The following SCN7A variants were observed in gnomAD, a reference collection of about 807,000 sequenced individuals.
SCN7A encodes sodium voltage-gated channel alpha subunit 7.
In SCN7A, 138 loss-of-function variants were observed where a neutral mutation model predicts 155.2. The observed-to-expected ratio is 0.89, with a 90% CI of 0.77 to 1.02. SCN7A has a LOEUF of 1.02. SCN7A is among the 50% of genes least tolerant of loss of function. SCN7A has a pLI of 0.00. For synonymous variants in SCN7A, 693 were observed against 649.0 expected (o/e 1.07, Z -1.03); for missense variants, 2,058 against 1,986.6 (o/e 1.04, Z -0.68).
chr2:166,431,934 G>A (rs1259237522), intron 16 of SCN7A, among the ~76,000 whole-genome samples: 1 of 151,956 alleles, frequency 6.6e-6, no homozygotes, highest in African/African-American at 2.4e-5. Context: ...CATACACCTT[G>A]ATTTAGAAAA....
chr2:166,482,827 G>A (rs1702960465), intron 2 of SCN7A, among the ~76,000 whole-genome samples: 1 of 151,418 alleles, frequency 6.6e-6, no homozygotes, highest in Admixed American at 6.6e-5. Flanking sequence ...CTAGATGGTT[G>A]AGTGCAGACT....
chr2:166,412,164 C>A (rs1701216141), intron 23 of SCN7A, among the ~76,000 whole-genome samples: 1 of 151,990 alleles, frequency 6.6e-6, no homozygotes, highest in Non-Finnish European at 1.5e-5. Flanking sequence ...ACTGTGGAGG[C>A]TTTAAATATA....
intron 13 of SCN7A, among the ~76,000 whole-genome samples, chr2:166,444,071 C>T (rs1266910162): frequency 6.6e-6 from 1 of 152,062 alleles, no homozygotes; most frequent in Non-Finnish European, 1.5e-5. Context: ...ACTGTACTGG[C>T]AGAAATCACT....
chr2:166,486,701 C>A (rs1466316241), intron 2 of SCN7A, among the ~76,000 whole-genome samples, 155 bp downstream of exon 2: 2 of 152,174 alleles, frequency 1.3e-5, no homozygotes, highest in Admixed American at 6.5e-5. Context: ...ATGCAGACTG[C>A]TAGGCAGAAA....
At chr2:166,442,328 C>T (rs1353078922) in intron 14 of SCN7A, among the ~76,000 whole-genome samples, 30 of 152,286 alleles carry the variant, frequency 2.0e-4, no homozygotes. Context: ...AGTAAACTTA[C>T]TGTCGATTAG....
rs556003083 is a variant in SCN7A at position 166,490,097 on chromosome 2, G to A, written c.-127-3129C>T. Among the ~76,000 whole-genome samples, 22 of 151,920 alleles carry A rather than the reference G, an allele frequency of 1.4e-4. No homozygotes were observed. The South Asian group carries it at 4.6e-3, about 32-fold the overall frequency. ...CATTATCTCACAGACTTATTTCTTTGTAGTGGAAACATTTAAAATCTATTC... is the reference window on the plus strand; with the variant it reads ...CATTATCTCACAGACTTATTTCTTTATAGTGGAAACATTTAAAATCTATTC... On this transcript the variant is annotated intron_variant, in intron 1 of 25. Coordinates refer to ENST00000643258, the MANE Select transcript of SCN7A (RefSeq NM_002976.4).
chr2:166,414,000 T>TATATATATAA (rs1292737289), intron 21 of SCN7A, among the ~76,000 whole-genome samples: 1 of 100,184 alleles, frequency 1.0e-5, no homozygotes, highest in African/African-American at 4.0e-5. Flanking sequence ...TATATATATA[T>TATATATATAA]ATAAATATAC....
chr2:166,438,781 T>C (rs891659778), intron 15 of SCN7A, among the ~76,000 whole-genome samples: 5 of 151,862 alleles, frequency 3.3e-5, no homozygotes, highest in Non-Finnish European at 5.9e-5. Context: ...GGATGACTGC[T>C]GAGGAAAATT....
chr2:166,475,053 A>G (rs1201251965), intron 3 of SCN7A, among the ~76,000 whole-genome samples: 1 of 121,752 alleles, frequency 8.2e-6, no homozygotes, highest in Non-Finnish European at 1.8e-5. Flanking sequence ...CCTGTAAATG[A>G]GCAAGTTTGC....
chr2:166,447,500 T>A (rs1702088550), intron 12 of SCN7A, 112 bp downstream of exon 12: 4 of 640,944 alleles, frequency 6.2e-6, no homozygotes, highest in Non-Finnish European at 1.0e-5. Flanking sequence ...AAATATTTCT[T>A]AAATTTTTGT....
At chr2:166,492,052 G>A (rs1683122380) in intron 1 of SCN7A, among the ~76,000 whole-genome samples, 1 of 151,998 alleles carries the variant, frequency 6.6e-6, no homozygotes, top group African/African-American at 2.4e-5. Context: ...GCTTTGGACA[G>A]GTATTTATCC....
intron 15 of SCN7A, among the ~76,000 whole-genome samples, chr2:166,440,274 A>AT (rs1290590830): frequency 1.3e-5 from 2 of 152,194 alleles, no homozygotes; most frequent in African/African-American, 4.8e-5. Flanking sequence ...GCATCAGCAT[A>AT]TTTTTATTAA....
chr2:166,409,695 C>A lies in SCN7A; in HGVS notation c.3952G>T (p.Asp1318Tyr), dbSNP rs1167647992. The change falls in exon 25 of 26, where the codon GAT becomes TAT. Residue 1318 changes from aspartate (D) to tyrosine (Y), a missense_variant. Asp to Tyr is a radical substitution (Grantham distance 160). Transcript: ENST00000643258. ...ATGGAGAAAATAACCACCATAAAAT[C>A]AAAAATGTTCCACGCAATGGTGAAA... Reference protein sequence around the residue: ...FYFTIAWNIFDFMVVIFSITG... With the variant: ...FYFTIAWNIFYFMVVIFSITG... The A allele has an allele frequency of 8.5e-6, 13 of 1,524,662 alleles. No homozygotes were observed. The highest frequency in any genetic ancestry group is 2.6e-5 in the South Asian group (2 of 78,122). The allele number at this position is 1,524,662 out of a possible 1,614,324, so 94.4% of individuals were successfully genotyped here. A position where few individuals can be genotyped will look rare whatever the true frequency, so the allele number is the denominator to read the frequency against.
intron 18 of SCN7A, among the ~76,000 whole-genome samples, chr2:166,424,939 C>T (rs886068522): frequency 1.3e-5 from 2 of 152,002 alleles, no homozygotes; most frequent in Non-Finnish European, 2.9e-5. Context: ...CCGAGTGTTG[C>T]TTGATAACAC....
rs1348614764 is a variant in SCN7A, at chr2:166,494,107, C to T, written c.-267G>A. 6.6e-6 allele frequency: 1 copy of T among 152,338 alleles called. No individual in the cohort carries two copies. The highest frequency in any genetic ancestry group is 1.5e-5 in the Non-Finnish European group (1 of 68,184). The allele number at this position is 152,338 out of a possible 1,614,324, so 9.4% of individuals were successfully genotyped here. ...CTGAGCTCTAGTTGTACAGAAGCTG[C>T]TGTTAGGCTGGCGTCTGTCCTCACC... is the stretch of plus-strand genomic sequence containing the variant. On this transcript the variant is annotated 5_prime_UTR_variant, in exon 1 of 26. Coordinates refer to ENST00000643258, the MANE Select transcript of SCN7A (RefSeq NM_002976.4).
At chr2:166,419,616 C>T (rs1285298876) in intron 20 of SCN7A, among the ~76,000 whole-genome samples, 1 of 152,050 alleles carries the variant, frequency 6.6e-6, no homozygotes, top group African/African-American at 2.4e-5. Context: ...ATCTGCTGGC[C>T]TCGGTCTCCC....
intron 25 of SCN7A, among the ~76,000 whole-genome samples, chr2:166,408,627 T>G (rs959379538): frequency 2.6e-5 from 4 of 152,016 alleles, no homozygotes; most frequent in African/African-American, 9.7e-5. Flanking sequence ...GTTTTTCTGA[T>G]AGCTTCTTCT....
At position 166,465,510 on chromosome 2, in the gene SCN7A, A is replaced by G; in HGVS notation, c.893T>C (p.Leu298Ser). ...YIRETENFYY[L>S]EGERYALLCG... is the part of the protein sequence containing the mutation. Reference sequence around the variant, plus strand: ...AAGGAGAGCATATCTTTCTCCTTCCAAATAATAAAAGTTTTCTGTTTCTGA... The same window carrying G: ...AAGGAGAGCATATCTTTCTCCTTCCGAATAATAAAAGTTTTCTGTTTCTGA... The change falls in exon 9 of 26, where the codon TTG (leucine) becomes TCG (serine). Residue 298 changes from leucine to serine, a missense_variant. Physicochemically the swap from Leu to Ser is moderately radical, Grantham distance 145. Transcript: ENST00000643258. 6.2e-7 allele frequency: 1 copy of G among 1,605,600 alleles called. No individual in the cohort carries two copies. Among genetic ancestry groups the G allele is most frequent in the South Asian group, 1.1e-5 (1 of 89,308 alleles).
chr2:166,406,640 CAT>C lies in SCN7A; in HGVS notation c.3987_3988del (p.Cys1330SerfsTer38). The C allele has an allele frequency of 6.3e-7, 1 of 1,598,520 alleles. No homozygotes were observed. The highest frequency in any genetic ancestry group is 8.5e-7 in the Non-Finnish European group (1 of 1,171,578). On this transcript the variant is annotated frameshift_variant, in exon 26 of 26. Transcript: ENST00000643258. LOFTEE classifies it high-confidence loss of function. ...GTAGGATCCTACTGTCATAGGCAGA[CAT>C]AGTCCTGGGGGTGGGAAAGATAAAG...
Sources: allele counts gnomAD v4.1 joint callset (sites outside exome capture counted in the v4.1 genomes callset), GRCh38; gene constraint gnomAD v4.1.1; transcripts MANE v1.5; gene names NCBI Gene and HGNC (gene_info 2026-07-23, HGNC 2026-07-21).